Variants in KIAA1549 observed in about 807,000 individuals in gnomAD.
KIAA1549 encodes the protein KIAA1549.
A neutral mutation model predicts 156.4 loss-of-function variants in KIAA1549; 70 were observed. That is an observed-to-expected ratio of 0.45 (90% CI 0.37 to 0.55). The LOEUF is 0.55. KIAA1549 is among the 20% of genes least tolerant of loss of function. The probability of loss-of-function intolerance (pLI) is 0.00; values close to 1 mark genes in which losing one functional copy is unlikely to be tolerated. For missense variants in KIAA1549, 2,428 were observed against 2,540.9 expected (o/e 0.96, Z 0.96); for synonymous variants, 1,103 against 1,066.4 (o/e 1.03, Z -0.67).
In KIAA1549 at chr7:138,894,449, C is replaced by T; in HGVS notation, c.3925G>A (p.Val1309Met). Residue 1309 changes from valine to methionine, a missense_variant, in exon 10 of 20, where the codon GTG (valine) becomes ATG (methionine). By Grantham distance (21) the Val-to-Met change is conservative. This residue lies in a region of KIAA1549 where 762 missense variants were observed against 901.6 expected (regional missense o/e 0.85). Coordinates refer to ENST00000422774, the MANE Select transcript of KIAA1549 (RefSeq NM_001164665.2). ...LWVIVGVVIP[V>M]LVVMVIVVIL... is the part of the protein sequence containing the mutation. Reference sequence around the variant, plus strand: ...ACAACAATCACCATCACCACCAGCACTGGGATGACCACGCCAACAATGACC... The same window carrying T: ...ACAACAATCACCATCACCACCAGCATTGGGATGACCACGCCAACAATGACC... 1 of 1,614,042 alleles carries T rather than the reference C, an allele frequency of 6.2e-7. No individual in the cohort carries two copies. Among genetic ancestry groups the T allele is most frequent in the Non-Finnish European group, 8.5e-7 (1 of 1,179,896 alleles).
intron 1 of KIAA1549, among the ~76,000 whole-genome samples, chr7:138,936,327 C>T (rs1813008078): frequency 6.6e-6 from 1 of 152,158 alleles, no homozygotes; most frequent in African/African-American, 2.4e-5. Context: ...CCTGACCCTC[C>T]CCCATATGCC....
intron 1 of KIAA1549, among the ~76,000 whole-genome samples, chr7:138,945,608 T>G (rs140944426): frequency 1.2e-3 from 176 of 152,344 alleles, no homozygotes; most frequent in African/African-American, 3.9e-3. Context: ...CATCTATCAA[T>G]TTTATGTATT....
intron 1 of KIAA1549, among the ~76,000 whole-genome samples, chr7:138,921,595 G>A (rs749973353): frequency 1.3e-5 from 2 of 152,158 alleles, no homozygotes; most frequent in African/African-American, 2.4e-5. Flanking sequence ...GGCCAGGCGC[G>A]GTGGCTCAGG....
At position 138,918,429 on chromosome 7, in the gene KIAA1549, G is replaced by C. The variant is rs937611877; in HGVS notation, c.1197C>G (p.Leu399=). Residue 399 remains leucine (L), a synonymous_variant, in exon 2 of 20, where the codon CTC becomes CTG. Transcript: ENST00000422774. The surrounding 1 kb of genome is among the most constrained non-coding windows in gnomAD (Gnocchi z 4.2). ...KTSELHSNSA[L]PGPVDNTHIL... is the part of the protein sequence containing the mutation. ...TATGAGTGTTGTCCACAGGACCGGGGAGGGCTGAATTGCTATGCAATTCGG... is the reference window on the plus strand; with the variant it reads ...TATGAGTGTTGTCCACAGGACCGGGCAGGGCTGAATTGCTATGCAATTCGG... 6.2e-7 allele frequency: 1 copy of C among 1,613,904 alleles called. No individual in the cohort carries two copies. The highest frequency in any genetic ancestry group is 8.5e-7 in the Non-Finnish European group (1 of 1,179,912).
At chr7:138,980,975 A>G in intron 1 of KIAA1549, 108 bp downstream of exon 1, 19 of 992,460 alleles carry the variant, frequency 1.9e-5, no homozygotes, top group Non-Finnish European at 2.4e-5. Flanking sequence ...ACGGCGAGGG[A>G]GCTGGAGAAT....
intron 10 of KIAA1549, among the ~76,000 whole-genome samples, chr7:138,894,024 C>T (rs1394110432): frequency 1.3e-5 from 2 of 152,212 alleles, no homozygotes; most frequent in Non-Finnish European, 2.9e-5. Context: ...GAGCCAAGCT[C>T]ACGCCACTGC....
chr7:138,834,231 C>G lies in KIAA1549; in HGVS notation c.*3675G>C, dbSNP rs1447947009. On this transcript the variant is annotated 3_prime_UTR_variant, in exon 20 of 20. Coordinates refer to ENST00000422774, the MANE Select transcript of KIAA1549 (RefSeq NM_001164665.2). Reference sequence around the variant, plus strand: ...TTGGAGTACAGTGGTGCAATCTCAGCTCACTGCAACCTCCACCCCCCGGGT... The same window carrying G: ...TTGGAGTACAGTGGTGCAATCTCAGGTCACTGCAACCTCCACCCCCCGGGT... 1 of 190,274 alleles carries G rather than the reference C, an allele frequency of 5.3e-6. No homozygotes were observed. The highest frequency in any genetic ancestry group is 2.3e-5 in the African/African-American group (1 of 42,982). The allele number at this position is 190,274 out of a possible 1,614,324, so 11.8% of individuals were successfully genotyped here.
In KIAA1549 at chr7:138,917,252, T is replaced by C. The variant is rs1812358913; in HGVS notation, c.2374A>G (p.Thr792Ala). The change falls in exon 2 of 20, where the codon ACT (threonine) becomes GCT (alanine). Residue 792 changes from threonine (T) to alanine (A), a missense_variant. Transcript: ENST00000422774. ...AGIQATSPLT[T>A]VHTTPILTES... is the part of the protein sequence containing the mutation. The stretch of plus-strand genomic sequence containing the variant: ...GTTAAAATGGGCGTTGTGTGGACAG[T>C]GGTCAATGGTGATGTTGCTTGAATC... 6.2e-7 allele frequency: 1 copy of C among 1,613,784 alleles called. No homozygotes were observed. Among genetic ancestry groups the C allele is most frequent in the African/African-American group, 1.3e-5 (1 of 75,000 alleles).
intron 16 of KIAA1549, among the ~76,000 whole-genome samples, chr7:138,853,536 AC>A (rs1388264707): frequency 6.6e-6 from 1 of 152,226 alleles, no homozygotes; most frequent in Admixed American, 6.5e-5. Flanking sequence ...GACTGGCTTA[AC>A]ATCCCTGGGC....
chr7:138,965,363 G>T (rs553110860), intron 1 of KIAA1549, among the ~76,000 whole-genome samples: 2 of 152,152 alleles, frequency 1.3e-5, no homozygotes, highest in Admixed American at 1.3e-4. Context: ...ACTAATTTTT[G>T]TATTTTTTGT....
At chr7:138,848,907 A>G (rs1325737529) in intron 17 of KIAA1549, among the ~76,000 whole-genome samples, 1 of 152,158 alleles carries the variant, frequency 6.6e-6, no homozygotes, top group Non-Finnish European at 1.5e-5. Context: ...TTACAGAAAA[A>G]AAATTTTTTG....
intron 1 of KIAA1549, among the ~76,000 whole-genome samples, chr7:138,921,735 C>T (rs1443302104): frequency 1.3e-5 from 2 of 152,018 alleles, no homozygotes; most frequent in African/African-American, 2.4e-5. Context: ...TATGGTGGCA[C>T]ACACCTGTCA....
chr7:138,844,607 GGGA>G, intron 17 of KIAA1549, 133 bp from the exon 18 acceptor site: 1 of 818,484 alleles, frequency 1.2e-6, no homozygotes, highest in Non-Finnish European at 1.7e-6. Flanking sequence ...CTCCTGGAAG[GGGA>G]AGAGATGTTT....
At position 138,981,097 on chromosome 7, in the gene KIAA1549, G is replaced by A; in HGVS notation, c.173C>T (p.Ala58Val). Residue 58 changes from alanine (A) to valine (V), a missense_variant, in exon 1 of 20, where the codon GCC becomes GTC. Physicochemically the swap from Ala to Val is moderately conservative, Grantham distance 64 (BLOSUM62 0). Around this residue, in one of 5 missense-constraint regions of KIAA1549, gnomAD observed 893 missense variants for 847.9 expected, o/e 1.05. Transcript: ENST00000422774. The surrounding 1 kb of genome is among the most constrained non-coding windows in gnomAD (Gnocchi z 4.5). ...GLWLLLLARPASCAPDELSPE... is the reference protein window; with the variant it reads ...GLWLLLLARPVSCAPDELSPE... Reference sequence around the variant, plus strand: ...GCGGAGCTTACCTGGGGCGCACGAGGCCGGCCGGGCCAGCAGCAGCAGCCA... The same window carrying A: ...GCGGAGCTTACCTGGGGCGCACGAGACCGGCCGGGCCAGCAGCAGCAGCCA... 8.2e-7 allele frequency: 1 copy of A among 1,224,158 alleles called. No individual in the cohort carries two copies. Among genetic ancestry groups the A allele is most frequent in the Non-Finnish European group, 1.0e-6 (1 of 982,588 alleles). The allele number at this position is 1,224,158 out of a possible 1,614,324, so 75.8% of individuals were successfully genotyped here.
intron 13 of KIAA1549, among the ~76,000 whole-genome samples, chr7:138,870,306 C>T (rs1810890087): frequency 6.6e-6 from 1 of 152,008 alleles, no homozygotes; most frequent in Non-Finnish European, 1.5e-5. Flanking sequence ...TACCCTCAAG[C>T]ACTGTGTGGT....
intron 12 of KIAA1549, among the ~76,000 whole-genome samples, chr7:138,876,914 C>T (rs762775617): frequency 2.6e-5 from 4 of 152,226 alleles, no homozygotes; most frequent in African/African-American, 4.8e-5. Flanking sequence ...AGGAATAAAG[C>T]ACAACCTCCA....
intron 1 of KIAA1549, among the ~76,000 whole-genome samples, chr7:138,948,056 C>T (rs541925146): frequency 9.8e-5 from 15 of 152,294 alleles, no homozygotes; most frequent in Admixed American, 9.8e-4. Context: ...AGCCACTGCA[C>T]CCGGCCTCAG....
chr7:138,915,366 G>C (rs559715704), intron 2 of KIAA1549, among the ~76,000 whole-genome samples: 1 of 151,986 alleles, frequency 6.6e-6, no homozygotes, highest in East Asian at 1.9e-4. Flanking sequence ...TATATCCCTA[G>C]AAGCTTCCAG....
intron 1 of KIAA1549, among the ~76,000 whole-genome samples, chr7:138,958,587 A>G (rs580342): frequency 0.29 from 44,626 of 151,942 alleles, 7,765 homozygotes; most frequent in African/African-American, 0.5. Flanking sequence ...TCTCACTTAC[A>G]TCCCATGATG....
Sources: allele counts gnomAD v4.1 joint callset (sites outside exome capture counted in the v4.1 genomes callset), GRCh38; gene constraint gnomAD v4.1.1; regional missense constraint gnomAD v4.1.1; non-coding constraint Gnocchi (gnomAD v3.1); transcripts MANE v1.5; gene names NCBI Gene and HGNC (gene_info 2026-07-23, HGNC 2026-07-21).